The following FGF13 variants were observed in gnomAD, a reference collection of about 807,000 sequenced individuals.
FGF13 encodes fibroblast growth factor homologous factor 2.
In FGF13, 2 loss-of-function variants were observed where a neutral mutation model predicts 19.5. The observed-to-expected ratio is 0.10, with a 90% CI of 0.04 to 0.32. FGF13 has a LOEUF of 0.32. Among genes scored for constraint, FGF13 ranks in the 10% least tolerant of loss-of-function variants. The pLI, the probability that FGF13 is intolerant of heterozygous loss-of-function variation, is 1.00. For synonymous variants in FGF13, 72 were observed against 76.9 expected (o/e 0.94, Z 0.33); for missense variants, 113 against 192.7 (o/e 0.59, Z 2.45).
chrX:139,186,888 G>A (rs1248380844), intron 1 of FGF13, among the ~76,000 whole-genome samples: 4 of 111,894 alleles, frequency 3.6e-5, no homozygotes, highest in Non-Finnish European at 5.6e-5. Context: ...TCCTCAGGGA[G>A]CATTCCCTGG....
chrX:138,694,617 ATTT>A (rs775254347), intron 3 of FGF13, among the ~76,000 whole-genome samples: 1 of 103,454 alleles, frequency 9.7e-6, no homozygotes, highest in Non-Finnish European at 2.0e-5. Context: ...AGCCCGGCTA[ATTT>A]TTTTTTTATT....
chrX:138,894,949 A>G (rs1603009146), intron 1 of FGF13, among the ~76,000 whole-genome samples: 2 of 111,987 alleles, frequency 1.8e-5, no homozygotes, highest in African/African-American at 6.5e-5. Context: ...CAGCACATCA[A>G]ATGCTTATCC....
chrX:139,037,127 C>T (rs904023844), intron 1 of FGF13, among the ~76,000 whole-genome samples: 7 of 111,132 alleles, frequency 6.3e-5, no homozygotes, highest in African/African-American at 2.3e-4. Context: ...CCTGAAGCCT[C>T]GCTTTCTTCT....
At chrX:138,881,299 T>G (rs2091422777) in intron 1 of FGF13, among the ~76,000 whole-genome samples, 1 of 111,958 alleles carries the variant, frequency 8.9e-6, no homozygotes, top group South Asian at 3.7e-4. Context: ...GCTCTATTTG[T>G]TTATTATCTC....
At chrX:138,639,565 T>G (rs186521718) in intron 3 of FGF13, among the ~76,000 whole-genome samples, 1 of 112,527 alleles carries the variant, frequency 8.9e-6, no homozygotes, top group Admixed American at 9.4e-5. Context: ...GTTTGGCATA[T>G]CTATGTTTTT....
At chrX:138,926,288 C>T (rs746381399) in intron 1 of FGF13, among the ~76,000 whole-genome samples, 4 of 112,323 alleles carry the variant, frequency 3.6e-5, no homozygotes, top group Non-Finnish European at 5.6e-5. Flanking sequence ...GTGTTTAAGA[C>T]ACTCCTTTAG....
intron 3 of FGF13, among the ~76,000 whole-genome samples, chrX:138,668,367 A>G (rs1162559154): frequency 9.0e-6 from 1 of 111,226 alleles, no homozygotes. Context: ...GGCATTTTAA[A>G]GGCAGATATT....
intron 1 of FGF13, among the ~76,000 whole-genome samples, chrX:139,060,200 G>C (rs2092332294): frequency 9.0e-6 from 1 of 110,797 alleles, no homozygotes; most frequent in African/African-American, 3.3e-5. Flanking sequence ...TCACTAAAAT[G>C]GCATATTTCT....
At chrX:138,797,067 C>A (rs1466381631) in intron 3 of FGF13, among the ~76,000 whole-genome samples, 1 of 111,667 alleles carries the variant, frequency 9.0e-6, no homozygotes, top group African/African-American at 3.3e-5. Flanking sequence ...GAATTAGGTC[C>A]CATCTGTCAA....
intron 1 of FGF13, among the ~76,000 whole-genome samples, chrX:139,069,539 C>G (rs12396787): frequency 9.3e-5 from 9 of 96,932 alleles, no homozygotes; most frequent in African/African-American, 3.0e-4. Flanking sequence ...GGTGCAGCGC[C>G]CCAGCATGGC....
chrX:139,107,659 C>T (rs1338167687), intron 1 of FGF13, among the ~76,000 whole-genome samples: 1 of 110,355 alleles, frequency 9.1e-6, no homozygotes, highest in Non-Finnish European at 1.9e-5. Context: ...ACTTTGACCC[C>T]TCTTGGATTA....
chrX:138,648,584 G>A (rs1299403996), intron 3 of FGF13, among the ~76,000 whole-genome samples: 1 of 111,782 alleles, frequency 8.9e-6, no homozygotes, highest in East Asian at 2.8e-4. Flanking sequence ...CAAGGAGTAT[G>A]TAACTAATTC....
intron 3 of FGF13, among the ~76,000 whole-genome samples, chrX:138,751,741 G>A (rs1191985410): frequency 8.9e-6 from 1 of 111,782 alleles, no homozygotes; most frequent in Non-Finnish European, 1.9e-5. Context: ...AATATATGAG[G>A]TGTATCCATG....
chrX:139,173,759 T>A (rs1458914908), intron 1 of FGF13, among the ~76,000 whole-genome samples: 1 of 111,939 alleles, frequency 8.9e-6, no homozygotes, highest in Non-Finnish European at 1.9e-5. Context: ...TGCATAGAAT[T>A]CCATGGTGTA....
At chrX:139,104,823 T>A (rs1291036059) in intron 1 of FGF13, among the ~76,000 whole-genome samples, 1 of 110,662 alleles carries the variant, frequency 9.0e-6, no homozygotes, top group East Asian at 2.9e-4. Context: ...TCCACATGAC[T>A]CAATCACCTC....
chrX:138,642,272 A>G (rs2089259367), intron 3 of FGF13, among the ~76,000 whole-genome samples: 1 of 111,107 alleles, frequency 9.0e-6, no homozygotes, highest in Admixed American at 9.6e-5. Flanking sequence ...ATAGAGAATA[A>G]CAAAAGCAAA....
At chrX:139,122,185 G>A (rs759770782) in intron 1 of FGF13, among the ~76,000 whole-genome samples, 3 of 111,549 alleles carry the variant, frequency 2.7e-5, no homozygotes, top group Non-Finnish European at 3.8e-5. Flanking sequence ...GGTCAGTAAG[G>A]CCCCAAGATG....
chrX:138,615,504 GT>G lies in FGF13; in HGVS notation c.*17345del, dbSNP rs1005391510. 7.2e-5 allele frequency: 8 copies of G among 111,025 alleles called. No individual in the cohort carries two copies. The highest frequency in any genetic ancestry group is 2.6e-4 in the African/African-American group (8 of 30,471). 9.1% of individuals were successfully genotyped at this position (111,025 alleles called of 1,213,427 possible). ...ATATGAAGATAAGGTATAGGGAAGA[GT>G]CATATCTAGTATTTGGGAAACTGAA... On this transcript the variant is annotated 3_prime_UTR_variant, in exon 5 of 5. Coordinates refer to ENST00000315930, the MANE Select transcript of FGF13 (RefSeq NM_004114.5).
At chrX:138,710,372 T>C (rs1602730891) in intron 1 of FGF13, among the ~76,000 whole-genome samples, 1 of 106,372 alleles carries the variant, frequency 9.4e-6, no homozygotes, top group South Asian at 4.3e-4. Context: ...CCCTTGGAGG[T>C]GGAAGCTGGA....
Sources: gnomAD v4.1 joint callset for allele counts (sites outside exome capture counted in the v4.1 genomes callset) on GRCh38, gnomAD v4.1.1 for gene constraint, MANE v1.5 for transcripts, NCBI Gene and HGNC (gene_info 2026-07-23, HGNC 2026-07-21) for gene names.